SUMF1: variants seen among roughly 807,000 people sequenced by gnomAD.
SUMF1 encodes sulfatase modifying factor 1, also known as formylglycine-generating enzyme.
Under a neutral mutation model 47.6 loss-of-function variants are expected in SUMF1, and 48 were observed. The ratio of observed to expected loss-of-function variants is 1.01; its 90% confidence interval spans 0.80 to 1.28. The LOEUF (loss-of-function observed/expected upper bound fraction) is 1.28. Among genes scored for constraint, SUMF1 ranks in the 50% most tolerant of loss-of-function variants. The pLI, the probability that SUMF1 is intolerant of heterozygous loss-of-function variation, is 0.00. For synonymous variants in SUMF1, 230 were observed against 192.1 expected (o/e 1.20, Z -1.63); for missense variants, 571 against 485.4 (o/e 1.18, Z -1.66).
At chr3:4,345,327 G>A (rs1327433898) in intron 8 of SUMF1, among the ~76,000 whole-genome samples, 3 of 152,222 alleles carry the variant, frequency 2.0e-5, no homozygotes, top group African/African-American at 7.2e-5. Context: ...CAGACTAACA[G>A]CGGATCTCTT....
chr3:4,457,037 T>TACATATATATAC (rs1375101892), intron 1 of SUMF1, among the ~76,000 whole-genome samples: 3 of 126,368 alleles, frequency 2.4e-5, no homozygotes, highest in Non-Finnish European at 5.3e-5. Context: ...TACGTGTGTG[T>TACATATATATAC]GTATATATAT....
chr3:4,319,398 A>G (rs1472964315), intron 8 of SUMF1, among the ~76,000 whole-genome samples: 2 of 152,206 alleles, frequency 1.3e-5, no homozygotes, highest in Admixed American at 6.5e-5. Flanking sequence ...TCCCTGACCA[A>G]CTACAACTGG....
chr3:4,117,543 C>T (rs1338507108), intron 8 of SUMF1, among the ~76,000 whole-genome samples: 3 of 152,200 alleles, frequency 2.0e-5, no homozygotes, highest in Non-Finnish European at 2.9e-5. Context: ...CTTCGTAAGA[C>T]AGAGGCCTGG....
intron 3 of SUMF1, 50 bp from the exon 4 acceptor site, chr3:4,420,196 G>C: frequency 1.4e-6 from 2 of 1,449,852 alleles, no homozygotes; most frequent in Middle Eastern, 3.7e-4. Context: ...ATCAACTCTA[G>C]AAAAATATCA....
At chr3:4,213,239 G>A (rs549076175) in intron 8 of SUMF1, among the ~76,000 whole-genome samples, 1 of 152,180 alleles carries the variant, frequency 6.6e-6, no homozygotes, top group Non-Finnish European at 1.5e-5. Flanking sequence ...CAAGCCAGAA[G>A]AGAGTGGGGG....
At chr3:4,360,600 T>C (rs771548395), downstream of SUMF1, among the ~76,000 whole-genome samples, 11 of 152,162 alleles carry the variant, frequency 7.2e-5, no homozygotes, top group Non-Finnish European at 1.6e-4. Flanking sequence ...CCCAAAGTGC[T>C]GGGGTTACAG....
chr3:4,072,338 C>T (rs904282344), intron 8 of SUMF1, among the ~76,000 whole-genome samples: 1 of 152,102 alleles, frequency 6.6e-6, no homozygotes, highest in African/African-American at 2.4e-5. Flanking sequence ...TCACCAACAT[C>T]AAAGACCAAA....
intron 8 of SUMF1, among the ~76,000 whole-genome samples, chr3:4,139,277 G>T (rs188407612): frequency 5.3e-5 from 8 of 151,788 alleles, no homozygotes; most frequent in South Asian, 2.1e-4. Flanking sequence ...TTTCAGTTTC[G>T]TATCAGTCAT....
intron 8 of SUMF1, among the ~76,000 whole-genome samples, chr3:4,333,701 A>G (rs1028554773): frequency 1.3e-5 from 2 of 152,166 alleles, no homozygotes; most frequent in African/African-American, 2.4e-5. Context: ...CCCATATCCT[A>G]TGGGATGAGG....
chr3:4,362,134 T>C lies in SUMF1; in HGVS notation c.*10A>G, dbSNP rs35083095. 0.49 allele frequency: 784,959 copies of C among 1,611,632 alleles called. 195,194 individuals carry two copies. The highest frequency in any genetic ancestry group is 0.62 in the East Asian group (27,947 of 44,818). On this transcript the variant is annotated 3_prime_UTR_variant, in exon 9 of 9. Coordinates refer to ENST00000272902, the MANE Select transcript of SUMF1 (RefSeq NM_182760.4). Reference sequence around the variant, plus strand: ...CTGCTCCTTGGACTGGGGAAGACTTTCCTTGGTTGTCAGTCCATAGTGGGC... The same window carrying C: ...CTGCTCCTTGGACTGGGGAAGACTTCCCTTGGTTGTCAGTCCATAGTGGGC...
At chr3:4,389,505 C>G (rs573229393) in intron 7 of SUMF1, among the ~76,000 whole-genome samples, 7 of 152,284 alleles carry the variant, frequency 4.6e-5, no homozygotes, top group African/African-American at 1.2e-4. Context: ...AGTCTCTTAC[C>G]AAACTGGAGG....
At chr3:4,465,230 AC>A (rs2079912067) in intron 1 of SUMF1, among the ~76,000 whole-genome samples, 2 of 152,208 alleles carry the variant, frequency 1.3e-5, no homozygotes, top group Admixed American at 1.3e-4. Flanking sequence ...TAATCCCAGC[AC>A]GCTGGGAGGC....
At chr3:4,253,804 G>A (rs1444232086) in intron 8 of SUMF1, among the ~76,000 whole-genome samples, 43 of 147,426 alleles carry the variant, frequency 2.9e-4, no homozygotes, top group Admixed American at 2.8e-3. Flanking sequence ...CCACCTCTGG[G>A]GGGCAGGGCA....
At chr3:4,065,654 G>GA (rs957877748) in intron 9 of SUMF1, among the ~76,000 whole-genome samples, 16 of 150,022 alleles carry the variant, frequency 1.1e-4, no homozygotes, top group South Asian at 6.3e-4. Context: ...GGATTTGGCA[G>GA]AAAAAAAAAA....
At chr3:4,367,280 A>C (rs1700006918) in intron 8 of SUMF1, among the ~76,000 whole-genome samples, 1 of 152,154 alleles carries the variant, frequency 6.6e-6, no homozygotes, top group African/African-American at 2.4e-5. Context: ...AAGTCTGCAG[A>C]GGTTACTGCT....
chr3:4,385,514 G>T (rs1269592541), intron 7 of SUMF1, among the ~76,000 whole-genome samples: 1 of 152,062 alleles, frequency 6.6e-6, no homozygotes, highest in African/African-American at 2.4e-5. Context: ...TTTATGTATT[G>T]TAAATATATG....
intron 8 of SUMF1, among the ~76,000 whole-genome samples, chr3:4,111,942 G>T (rs1353798730): frequency 6.6e-6 from 1 of 152,040 alleles, no homozygotes; most frequent in South Asian, 2.1e-4. Context: ...GAAAAAGTTG[G>T]TCACAAAGTG....
At chr3:4,300,618 C>T (rs1302013714) in intron 8 of SUMF1, among the ~76,000 whole-genome samples, 1 of 152,082 alleles carries the variant, frequency 6.6e-6, no homozygotes, top group Non-Finnish European at 1.5e-5. Context: ...ACTATGAGTG[C>T]AAAGAGTTTC....
intron 3 of SUMF1, among the ~76,000 whole-genome samples, chr3:4,444,550 A>C (rs1183200134): frequency 1.3e-5 from 2 of 152,226 alleles, no homozygotes; most frequent in African/African-American, 4.8e-5. Context: ...ATTCTCAGTA[A>C]TTACACTGGG....
Sources: gnomAD v4.1 joint callset for allele counts (sites outside exome capture counted in the v4.1 genomes callset) on GRCh38, gnomAD v4.1.1 for gene constraint, MANE v1.5 for transcripts, NCBI Gene and HGNC (gene_info 2026-07-23, HGNC 2026-07-21) for gene names.